DENND1A: variants seen among roughly 807,000 people sequenced by gnomAD.
The protein encoded by DENND1A is DENN domain containing 1A, also known as DENN domain-containing protein 1A.
Under a neutral mutation model 113.7 loss-of-function variants are expected in DENND1A, and 51 were observed. The observed-to-expected ratio is 0.45, with a 90% CI of 0.36 to 0.57. DENND1A has a LOEUF of 0.57. Ranked by LOEUF, DENND1A falls within the 20% of genes least tolerant of loss-of-function variation. The pLI is 0.00. For missense variants in DENND1A, 1,258 were observed against 1,395.9 expected (o/e 0.90, Z 1.57); for synonymous variants, 565 against 570.8 (o/e 0.99, Z 0.14).
At chr9:123,407,984 CTCTT>C (rs1469945048) in intron 20 of DENND1A, among the ~76,000 whole-genome samples, 1 of 152,196 alleles carries the variant, frequency 6.6e-6, no homozygotes, top group Non-Finnish European at 1.5e-5. Context: ...TTTTCTTCTG[CTCTT>C]TCTTTTTTCT....
intron 3 of DENND1A, among the ~76,000 whole-genome samples, chr9:123,772,686 T>C (rs986820402): frequency 6.6e-6 from 1 of 152,174 alleles, no homozygotes; most frequent in African/African-American, 2.4e-5. Flanking sequence ...AATCTTTTTA[T>C]GTACAGTTTG....
intron 10 of DENND1A, among the ~76,000 whole-genome samples, chr9:123,616,116 G>C (rs1212002431): frequency 1.3e-5 from 2 of 152,146 alleles, no homozygotes; most frequent in African/African-American, 4.8e-5. Flanking sequence ...TTTTAGTGGA[G>C]ACAGGGTTTC....
At chr9:123,574,350 T>C (rs2058522793) in intron 12 of DENND1A, among the ~76,000 whole-genome samples, 1 of 152,078 alleles carries the variant, frequency 6.6e-6, no homozygotes, top group Admixed American at 6.6e-5. Context: ...GGAGGCTCTC[T>C]GGGCCTAGGG....
intron 2 of DENND1A, among the ~76,000 whole-genome samples, chr9:123,826,347 G>C (rs148710780): frequency 2.0e-5 from 3 of 152,216 alleles, no homozygotes; most frequent in African/African-American, 7.2e-5. Context: ...AGGATGCAAT[G>C]AACTGTGATC....
chr9:123,693,412 C>T (rs944015060), intron 5 of DENND1A, among the ~76,000 whole-genome samples: 9 of 152,182 alleles, frequency 5.9e-5, no homozygotes, highest in Non-Finnish European at 1.2e-4. Flanking sequence ...AGAACACTTC[C>T]ATCACACCCC....
chr9:123,413,308 G>T, intron 19 of DENND1A: 2 of 547,948 alleles, frequency 3.6e-6, no homozygotes, highest in Non-Finnish European at 4.6e-6. Context: ...ATAATATTTT[G>T]GATATATTGG....
At chr9:123,549,886 T>C (rs1039918414) in intron 13 of DENND1A, among the ~76,000 whole-genome samples, 4 of 152,166 alleles carry the variant, frequency 2.6e-5, no homozygotes, top group Middle Eastern at 3.2e-3. Context: ...TGTTTTGATT[T>C]TACTACTTTA....
intron 5 of DENND1A, among the ~76,000 whole-genome samples, chr9:123,705,389 G>A (rs2066132412): frequency 6.6e-6 from 1 of 151,840 alleles, no homozygotes. Context: ...ATAGGAAAGG[G>A]GAAAAAAGGT....
intron 3 of DENND1A, among the ~76,000 whole-genome samples, chr9:123,777,719 C>A (rs1830668169): frequency 6.6e-6 from 1 of 152,054 alleles, no homozygotes; most frequent in African/African-American, 2.4e-5. Flanking sequence ...AGAATAATAG[C>A]CTAAAATGTT....
chr9:123,802,592 G>T (rs547669071), intron 2 of DENND1A, among the ~76,000 whole-genome samples: 2 of 17,052 alleles, frequency 1.2e-4, no homozygotes, highest in Non-Finnish European at 2.6e-4. Context: ...CAAATTTCAA[G>T]CATCTCAGTC....
intron 5 of DENND1A, among the ~76,000 whole-genome samples, chr9:123,708,063 G>T (rs1385792096): frequency 6.6e-6 from 1 of 152,170 alleles, no homozygotes; most frequent in Non-Finnish European, 1.5e-5. Context: ...GAAGTTGTAG[G>T]TGGGTGAGAT....
chr9:123,830,923 G>A (rs1487211046), intron 2 of DENND1A, among the ~76,000 whole-genome samples: 4 of 137,510 alleles, frequency 2.9e-5, no homozygotes, highest in Non-Finnish European at 6.2e-5. Context: ...AGGAAATCCT[G>A]CCATCATCAA....
intron 13 of DENND1A, among the ~76,000 whole-genome samples, chr9:123,538,849 T>TACAC (rs1564676397): frequency 1.1e-4 from 13 of 117,178 alleles, no homozygotes; most frequent in Non-Finnish European, 2.3e-4. Flanking sequence ...TATATATATA[T>TACAC]ATATATATAT....
intron 5 of DENND1A, among the ~76,000 whole-genome samples, chr9:123,689,172 A>T (rs891900673): frequency 1.3e-5 from 2 of 152,038 alleles, no homozygotes; most frequent in Non-Finnish European, 2.9e-5. Context: ...TTACAGGTGC[A>T]TGCCACCATG....
At chr9:123,684,426 GAGA>G (rs1188561598) in intron 5 of DENND1A, among the ~76,000 whole-genome samples, 1 of 152,136 alleles carries the variant, frequency 6.6e-6, no homozygotes, top group East Asian at 1.9e-4. Flanking sequence ...AACTCGAGGT[GAGA>G]AGGAGGAAAG....
Position 123,381,902 on chromosome 9 carries a change from G to T in DENND1A, c.2743C>A (p.Pro915Thr). The change falls in exon 24 of 24, where the codon CCT (proline) becomes ACT (threonine). Residue 915 changes from proline to threonine, a missense_variant. By Grantham distance (38) the Pro-to-Thr change is conservative. Transcript: ENST00000394215. The surrounding 1 kb of genome is among the most constrained non-coding windows in gnomAD (Gnocchi z 4.7). Reference protein sequence around the residue: ...TLPLVSTPAGPFGAPPASLGP... With the variant: ...TLPLVSTPAGTFGAPPASLGP... Reference sequence around the variant, plus strand: ...AGGGAAGCTGGAGGGGCCCCGAAAGGCCCGGCTGGTGTGGAGACCAGGGGC... The same window carrying T: ...AGGGAAGCTGGAGGGGCCCCGAAAGTCCCGGCTGGTGTGGAGACCAGGGGC... The T allele has an allele frequency of 7.0e-7, 1 of 1,425,036 alleles. No individual in the cohort carries two copies. The highest frequency in any genetic ancestry group is 1.5e-5 in the South Asian group (1 of 66,288). 88.3% of individuals were successfully genotyped at this position (1,425,036 alleles called of 1,614,324 possible). A position where few individuals can be genotyped will look rare whatever the true frequency, so the allele number is the denominator to read the frequency against.
chr9:123,414,245 T>C (rs1021772571), intron 19 of DENND1A: 6 of 1,263,280 alleles, frequency 4.7e-6, no homozygotes, highest in Middle Eastern at 3.1e-4. Flanking sequence ...CCGAGTGTCC[T>C]GTTAGGAAGA....
intron 3 of DENND1A, among the ~76,000 whole-genome samples, chr9:123,777,200 C>G (rs1283023287): frequency 6.6e-6 from 1 of 152,232 alleles, no homozygotes; most frequent in Non-Finnish European, 1.5e-5. Context: ...CTCTTACCCT[C>G]TTTCAGGGGG....
intron 2 of DENND1A, among the ~76,000 whole-genome samples, chr9:123,814,931 G>A (rs1241430330): frequency 6.6e-6 from 1 of 152,194 alleles, no homozygotes; most frequent in Non-Finnish European, 1.5e-5. Context: ...ATTATTCATT[G>A]AATGATAGTT....
Sources: allele counts gnomAD v4.1 joint callset (sites outside exome capture counted in the v4.1 genomes callset), GRCh38; gene constraint gnomAD v4.1.1; non-coding constraint Gnocchi (gnomAD v3.1); transcripts MANE v1.5; gene names NCBI Gene and HGNC (gene_info 2026-07-23, HGNC 2026-07-21).